CTNNA2: variants seen among roughly 807,000 people sequenced by gnomAD.
CTNNA2 encodes the protein catenin alpha 2.
In CTNNA2, 42 loss-of-function variants were observed where a neutral mutation model predicts 101.0. That is an observed-to-expected ratio of 0.42 (90% CI 0.32 to 0.54). CTNNA2 has a LOEUF of 0.54. CTNNA2 is among the 20% of genes least tolerant of loss of function. CTNNA2 has a pLI of 0.14. For synonymous variants in CTNNA2, 450 were observed against 456.4 expected (o/e 0.99, Z 0.18); for missense variants, 871 against 1,223.1 (o/e 0.71, Z 4.29).
chr2:79,798,285 C>CT (rs1416946218), intron 3 of CTNNA2, among the ~76,000 whole-genome samples: 1 of 152,126 alleles, frequency 6.6e-6, no homozygotes, highest in African/African-American at 2.4e-5. Flanking sequence ...TACTCTAGTG[C>CT]TTTTTTGTTT....
At chr2:80,060,331 C>A (rs1697495153) in intron 7 of CTNNA2, among the ~76,000 whole-genome samples, 1 of 152,180 alleles carries the variant, frequency 6.6e-6, no homozygotes, top group South Asian at 2.1e-4. Flanking sequence ...GGAGAGGCTC[C>A]TGCAAATTGT....
At chr2:80,617,199 T>C (rs899145063) in intron 17 of CTNNA2, among the ~76,000 whole-genome samples, 1 of 151,668 alleles carries the variant, frequency 6.6e-6, no homozygotes, top group South Asian at 2.1e-4. Flanking sequence ...TTCTAATACG[T>C]AATAATTTTT....
intron 2 of CTNNA2, among the ~76,000 whole-genome samples, chr2:79,694,660 G>C (rs1184326357): frequency 6.6e-6 from 1 of 151,788 alleles, no homozygotes; most frequent in Non-Finnish European, 1.5e-5. Flanking sequence ...TAGGCTGCTT[G>C]AGTGTTAGAT....
At chr2:79,424,260 A>G (rs1001920893) in intron 4 of CTNNA2, among the ~76,000 whole-genome samples, 15 of 152,178 alleles carry the variant, frequency 9.9e-5, no homozygotes, top group Admixed American at 9.8e-4. Context: ...GATGTCCAAA[A>G]TAAGTTTATT....
intron 7 of CTNNA2, among the ~76,000 whole-genome samples, chr2:80,091,479 G>A (rs1042457868): frequency 1.3e-5 from 2 of 152,116 alleles, no homozygotes; most frequent in African/African-American, 2.4e-5. Flanking sequence ...ACAGAGAAAG[G>A]TTGTAAAAAC....
rs371606717 is a variant in CTNNA2, at chr2:79,394,252, C to T, written c.-135+20239C>T. ...TGACAATCACTGAGTTTCTTCTGTG[C>T]TCATTCACTGTGACCTGAAGGGGAG... On this transcript the variant is annotated intron_variant, in intron 4 of 21. Coordinates refer to the CTNNA2 transcript ENST00000466387. 4.6e-5 allele frequency among the ~76,000 whole-genome samples: 7 copies of T among 152,300 alleles called. No homozygotes were observed. The South Asian group carries it at 8.3e-4, about 18-fold the overall frequency.
chr2:80,568,779 A>C (rs1178406493), intron 12 of CTNNA2, among the ~76,000 whole-genome samples: 3 of 152,122 alleles, frequency 2.0e-5, no homozygotes, highest in Admixed American at 1.3e-4. Flanking sequence ...TCATTCATGG[A>C]TATGTTGCTG....
At chr2:80,260,743 G>T (rs147059709) in intron 7 of CTNNA2, among the ~76,000 whole-genome samples, 1 of 152,068 alleles carries the variant, frequency 6.6e-6, no homozygotes, top group Non-Finnish European at 1.5e-5. Flanking sequence ...GCCAACCCAC[G>T]TCACATGTTA....
intron 4 of CTNNA2, among the ~76,000 whole-genome samples, chr2:79,379,804 T>A (rs1248650277): frequency 2.0e-5 from 3 of 152,186 alleles, no homozygotes; most frequent in Non-Finnish European, 4.4e-5. Context: ...AAAAAAATTT[T>A]TTAATAATTT....
chr2:79,969,486 AG>A (rs2104564906), intron 7 of CTNNA2, among the ~76,000 whole-genome samples: 1 of 152,370 alleles, frequency 6.6e-6, no homozygotes, highest in East Asian at 1.9e-4. Context: ...TAAAAGAAAG[AG>A]GTCAGAAATA....
intron 3 of CTNNA2, among the ~76,000 whole-genome samples, chr2:79,850,298 C>T (rs182913908): frequency 1.0e-3 from 96 of 94,330 alleles, no homozygotes; most frequent in African/African-American, 4.4e-3. Flanking sequence ...CTCCCTCCCT[C>T]CCCCCTCCCT....
At chr2:79,354,530 C>T (rs934481885) in intron 3 of CTNNA2, among the ~76,000 whole-genome samples, 4 of 152,066 alleles carry the variant, frequency 2.6e-5, no homozygotes, top group Admixed American at 6.6e-5. Flanking sequence ...TCCATTTGTT[C>T]AATTTTGTTC....
At chr2:79,480,102 T>A (rs531160740) in intron 4 of CTNNA2, among the ~76,000 whole-genome samples, 14 of 152,082 alleles carry the variant, frequency 9.2e-5, no homozygotes, top group Admixed American at 8.5e-4. Context: ...AGAGGTCACC[T>A]GGGAAAGAGG....
chr2:79,508,935 T>C (rs771046150), upstream of CTNNA2, among the ~76,000 whole-genome samples: 3 of 139,324 alleles, frequency 2.2e-5, no homozygotes, highest in East Asian at 4.4e-4. Flanking sequence ...TGAAAACATA[T>C]ATATATATTC....
At chr2:79,627,851 A>T (rs909342339) in intron 1 of CTNNA2, among the ~76,000 whole-genome samples, 4 of 152,184 alleles carry the variant, frequency 2.6e-5, no homozygotes, top group Non-Finnish European at 5.9e-5. Flanking sequence ...TTGATATTTG[A>T]TGCCTTAAAA....
At chr2:80,005,387 AC>A (rs1303122182) in intron 7 of CTNNA2, among the ~76,000 whole-genome samples, 3 of 152,148 alleles carry the variant, frequency 2.0e-5, no homozygotes, top group African/African-American at 7.2e-5. Context: ...TCTCTTGTTT[AC>A]CATCTCCTAC....
At chr2:79,995,491 G>T (rs955233564) in intron 7 of CTNNA2, among the ~76,000 whole-genome samples, 6 of 152,082 alleles carry the variant, frequency 3.9e-5, no homozygotes, top group African/African-American at 1.4e-4. Context: ...AAAATAACCT[G>T]AGTAATCCAA....
chr2:79,267,179 C>G (rs1235892658), intron 2 of CTNNA2, among the ~76,000 whole-genome samples: 2 of 152,016 alleles, frequency 1.3e-5, no homozygotes, highest in African/African-American at 4.8e-5. Flanking sequence ...GGAATAGCAG[C>G]CTTCTCTTGC....
At chr2:80,001,877 A>G (rs1692974832) in intron 7 of CTNNA2, among the ~76,000 whole-genome samples, 1 of 152,188 alleles carries the variant, frequency 6.6e-6, no homozygotes. Context: ...GAAAAGTTTA[A>G]AAACCATAGC....
Sources: allele counts gnomAD v4.1 joint callset (sites outside exome capture counted in the v4.1 genomes callset), GRCh38; gene constraint gnomAD v4.1.1; transcripts MANE v1.5; gene names NCBI Gene and HGNC (gene_info 2026-07-23, HGNC 2026-07-21).